SLC12A5: variants seen among roughly 807,000 people sequenced by gnomAD.
The protein encoded by SLC12A5 is K-Cl cotransporter 2.
SLC12A5 carries 18 observed loss-of-function variants against 124.0 expected under a neutral mutation model. The observed-to-expected ratio is 0.15, with a 90% confidence interval of 0.10 to 0.22. The LOEUF (loss-of-function observed/expected upper bound fraction) is 0.22, where lower values mean the gene tolerates loss of function less well. Among genes scored for constraint, SLC12A5 ranks in the 10% least tolerant of loss-of-function variants. The pLI, the probability that SLC12A5 is intolerant of heterozygous loss-of-function variation, is 1.00. For synonymous variants in SLC12A5, 589 were observed against 568.0 expected, an observed-to-expected ratio of 1.04 and a Z score of -0.53; for missense variants, 867 against 1,478.7, an observed-to-expected ratio of 0.59 and a Z score of 6.78.
chr20:46,057,802 GCTC>G lies in SLC12A5; in HGVS notation c.*201_*203del, dbSNP rs1408308950. On this transcript the variant is annotated 3_prime_UTR_variant, in exon 26 of 26. Transcript: ENST00000243964. This position sits in a 1 kb window ranked among gnomAD's most constrained non-coding sequence, Gnocchi z 7.1. ...GGCGCCCCGCCGCGCAGAGACCAGA[GCTC>G]CTCAGTGCCAGTTTGGCCCCTGGGT... 1.9e-6 allele frequency: 1 copy of G among 534,486 alleles called. No homozygotes were observed. 33.1% of individuals were successfully genotyped at this position (534,486 alleles called of 1,614,324 possible).
At chr20:46,047,701 C>A in intron 15 of SLC12A5, 128 bp downstream of exon 15, 1 of 1,244,952 alleles carries the variant, frequency 8.0e-7, no homozygotes, top group Non-Finnish European at 1.1e-6. Context: ...GAGGATGGGG[C>A]TGGAGTAGAG....
chr20:46,051,625 C>T (rs1433044878), intron 17 of SLC12A5, 50 bp from the exon 18 acceptor site: 1 of 1,556,418 alleles, frequency 6.4e-7, no homozygotes, highest in Non-Finnish European at 8.7e-7. Flanking sequence ...TGGGCCCAGC[C>T]AGGGCCAGGG....
Position 46,040,951 on chromosome 20 carries a change from G to A in SLC12A5, c.854+337G>A, listed in dbSNP as rs567410532. On this transcript the variant is annotated intron_variant, in intron 7 of 25. Coordinates refer to ENST00000243964, the MANE Select transcript of SLC12A5 (RefSeq NM_020708.5). Reference sequence around the variant, plus strand: ...GGGTGGGGACAACCTCCTGGAATGGGACAATCTCCTAGTGTTGGACAACTC... The same window carrying A: ...GGGTGGGGACAACCTCCTGGAATGGAACAATCTCCTAGTGTTGGACAACTC... 131 of 411,858 alleles carry A rather than the reference G, an allele frequency of 3.2e-4. 3 individuals are homozygous for A. In the South Asian group the frequency reaches 3.3e-3, roughly 10 times the overall value. 25.5% of individuals were successfully genotyped at this position (411,858 alleles called of 1,614,324 possible).
At chr20:46,036,872 T>A (rs2084503512) in intron 5 of SLC12A5, 77 bp downstream of exon 5, 3 of 1,539,010 alleles carry the variant, frequency 1.9e-6, no homozygotes, top group Non-Finnish European at 2.7e-6. Flanking sequence ...TTGGGGGACA[T>A]CAAGGCCCAA....
In SLC12A5 at chr20:46,023,049, C is replaced by T. The variant is rs1284989676; in HGVS notation, c.169C>T (p.Gln57Ter). 2.0e-5 allele frequency: 8 copies of T among 400,864 alleles called. No individual in the cohort carries two copies. The highest frequency in any genetic ancestry group is 4.2e-5 in the African/African-American group (2 of 47,936). 24.8% of individuals were successfully genotyped at this position (400,864 alleles called of 1,614,324 possible). A position where few individuals can be genotyped will look rare whatever the true frequency, so the allele number is the denominator to read the frequency against. ...AGGAGGAGAAGCCTCCCCAGACCGC[C>T]AGGGGTCGCTGCCGAGCCGCAGGTG... The change falls in exon 2 of 3, where the codon CAG becomes TAG. Residue 57 changes from glutamine (Q) to a stop codon, truncating the protein, a stop_gained. Coordinates refer to the SLC12A5 transcript ENST00000413737. LOFTEE classifies it high-confidence loss of function.
rs976600551 is a variant in SLC12A5, at chr20:46,057,678, G to C, written c.*73G>C. ...CGGAGCCCTCGCCGCGCCCCCCGCCGCTGTCACCGTTTACATACAGACCCT... is the reference window on the plus strand; with the variant it reads ...CGGAGCCCTCGCCGCGCCCCCCGCCCCTGTCACCGTTTACATACAGACCCT... On this transcript the variant is annotated 3_prime_UTR_variant, in exon 26 of 26. Transcript: ENST00000243964. The surrounding 1 kb of genome is among the most constrained non-coding windows in gnomAD (Gnocchi z 7.1). 7 of 1,181,868 alleles carry C rather than the reference G, an allele frequency of 5.9e-6. No homozygotes were observed. Among genetic ancestry groups the C allele is most frequent in the Non-Finnish European group, 8.3e-6 (7 of 838,466 alleles). 73.2% of individuals were successfully genotyped at this position (1,181,868 alleles called of 1,614,324 possible).
intron 1 of SLC12A5, among the ~76,000 whole-genome samples, 197 bp from the exon 2 acceptor site, chr20:46,034,751 C>G (rs111385401): frequency 6.6e-6 from 1 of 152,134 alleles, no homozygotes; most frequent in Non-Finnish European, 1.5e-5. Context: ...TCTGTTAATA[C>G]GCAGTGCATA....
At position 46,029,233 on chromosome 20, in the gene SLC12A5, G is replaced by C; in HGVS notation, c.-112G>C. 1.4e-6 allele frequency: 2 copies of C among 1,452,702 alleles called. No individual in the cohort carries two copies. Among genetic ancestry groups the C allele is most frequent in the Non-Finnish European group, 1.8e-6 (2 of 1,101,464 alleles). The allele number at this position is 1,452,702 out of a possible 1,614,324, so 90.0% of individuals were successfully genotyped here. A position where few individuals can be genotyped will look rare whatever the true frequency, so the allele number is the denominator to read the frequency against. On this transcript the variant is annotated 5_prime_UTR_variant, in exon 1 of 26. Transcript: ENST00000243964. ...GGCGGGCACTGCAGCTTCTTCCTCC[G>C]TGGAGCGGAGAGCGAGACAGAGCTA... is the stretch of plus-strand genomic sequence containing the variant.
chr20:46,047,936 C>T lies in SLC12A5; in HGVS notation c.1908-45C>T, dbSNP rs75314370. 3.9e-6 allele frequency: 6 copies of T among 1,539,210 alleles called. No homozygotes were observed. In the African/African-American group the frequency reaches 4.1e-5, roughly 11 times the overall value. On this transcript the variant is annotated intron_variant, in intron 15 of 25. Coordinates refer to ENST00000243964, the MANE Select transcript of SLC12A5 (RefSeq NM_020708.5). ...GCAGTGTAGATGGTTCTCCCTGCCC[C>T]CTCCTGGCTTTCTGCTCTCATGTGA...
At position 46,051,822 on chromosome 20, in the gene SLC12A5, C is replaced by T. The variant is rs542397610; in HGVS notation, c.2329C>T (p.Arg777Cys). Residue 777 changes from arginine (R) to cysteine (C), a missense_variant, in exon 18 of 26, where the codon CGC (arginine) becomes TGC (cysteine). By Grantham distance (180) the Arg-to-Cys change is radical (BLOSUM62 -3). Transcript: ENST00000243964. Reference protein sequence around the residue: ...QHNTVLVGWPRNWRQKEDHQT... With the variant: ...QHNTVLVGWPCNWRQKEDHQT... ...CAACACTGTGCTTGTTGGCTGGCCC[C>T]GCAACTGGCGCCAGAAGGAAGATCA... The T allele has an allele frequency of 2.1e-5, 33 of 1,586,440 alleles. No individual in the cohort carries two copies. The highest frequency in any genetic ancestry group is 8.0e-5 in the South Asian group (7 of 87,578).
At chr20:46,028,366 A>T (rs2084416347), upstream of SLC12A5, among the ~76,000 whole-genome samples, 1 of 152,046 alleles carries the variant, frequency 6.6e-6, no homozygotes, top group Non-Finnish European at 1.5e-5. Context: ...TGCTCCCTGG[A>T]AACTCACTGC....
intron 2 of SLC12A5, 162 bp from the exon 3 acceptor site, chr20:46,035,242 A>G: frequency 9.7e-7 from 1 of 1,036,010 alleles, no homozygotes; most frequent in South Asian, 1.5e-5. Context: ...TCATCCTACC[A>G]TTCTTACCCC....
chr20:46,021,692 C>T, upstream of SLC12A5: 3 of 1,504,406 alleles, frequency 2.0e-6, no homozygotes, highest in Non-Finnish European at 2.7e-6. Context: ...CGCTCTTTCT[C>T]CCTCCTAGAG....
rs1234726976 is a variant in SLC12A5, at chr20:46,043,570, T to C, written c.1238-63T>C. The C allele has an allele frequency of 3.2e-6, 5 of 1,554,756 alleles. No homozygotes were observed. The Admixed American group carries it at 8.4e-5, about 26-fold the overall frequency. On this transcript the variant is annotated intron_variant, in intron 9 of 25. Transcript: ENST00000243964. ...ACTGACCCTGAGGGTGGTGCCCTTTTTTCTCATCTGTCTGGTCTCCTGTGG... is the reference window on the plus strand; with the variant it reads ...ACTGACCCTGAGGGTGGTGCCCTTTCTTCTCATCTGTCTGGTCTCCTGTGG...
rs1410866619 is a variant in SLC12A5, at chr20:46,037,386, G to A, written c.612+1G>A. 6.2e-7 allele frequency: 1 copy of A among 1,607,232 alleles called. No homozygotes were observed. ...CCTGGGCACCATCGAAATCCTGCTGGTAAGAGAGGCTGAGGAGGAGGTGTG... is the reference window on the plus strand; with the variant it reads ...CCTGGGCACCATCGAAATCCTGCTGATAAGAGAGGCTGAGGAGGAGGTGTG... On this transcript the variant is annotated splice_donor_variant, in intron 6 of 25. Coordinates refer to ENST00000243964, the MANE Select transcript of SLC12A5 (RefSeq NM_020708.5). LOFTEE classifies it high-confidence loss of function.
At position 46,057,122 on chromosome 20, in the gene SLC12A5, C is replaced by T. The variant is rs374397338; in HGVS notation, c.3126-48C>T. 18 of 1,610,934 alleles carry T rather than the reference C, an allele frequency of 1.1e-5. No individual in the cohort carries two copies. The highest frequency in any genetic ancestry group is 1.5e-5 in the Non-Finnish European group (18 of 1,178,010). The stretch of plus-strand genomic sequence containing the variant: ...TGGAAGGGCGACTGGCTCCAATCTT[C>T]TCTACCCCCCCGGCTCACGCGGTCT... On this transcript the variant is annotated intron_variant, in intron 24 of 25. Coordinates refer to ENST00000243964, the MANE Select transcript of SLC12A5 (RefSeq NM_020708.5). This position sits in a 1 kb window ranked among gnomAD's most constrained non-coding sequence, Gnocchi z 7.1.
intron 17 of SLC12A5, among the ~76,000 whole-genome samples, chr20:46,050,010 A>G (rs535911065): frequency 6.6e-6 from 1 of 152,342 alleles, no homozygotes; most frequent in African/African-American, 2.4e-5. Context: ...GGCCCATTTT[A>G]TGGATAAGGA....
chr20:46,040,002 C>T lies in SLC12A5; in HGVS notation c.613-371C>T, dbSNP rs1171539541. Among the ~76,000 whole-genome samples, 5 of 152,142 alleles carry T rather than the reference C, an allele frequency of 3.3e-5. No individual in the cohort carries two copies. In the East Asian group the frequency reaches 9.6e-4, roughly 29 times the overall value. On this transcript the variant is annotated intron_variant, in intron 6 of 25. Transcript: ENST00000243964. ...CAAAAATAACAGAAGTAATTGCTTCCAGCATCCTTGCAATGTCATTTTTTA... is the reference window on the plus strand; with the variant it reads ...CAAAAATAACAGAAGTAATTGCTTCTAGCATCCTTGCAATGTCATTTTTTA...
At chr20:46,043,462 T>C (rs1262736200) in intron 9 of SLC12A5, 139 bp downstream of exon 9, 1 of 1,278,476 alleles carries the variant, frequency 7.8e-7, no homozygotes, top group African/African-American at 1.5e-5. Context: ...ATTGGAGAGA[T>C]GAGGGAATTA....
Sources: gnomAD v4.1 joint callset for allele counts (sites outside exome capture counted in the v4.1 genomes callset) on GRCh38, gnomAD v4.1.1 for gene constraint, Gnocchi (gnomAD v3.1) non-coding constraint, MANE v1.5 for transcripts, NCBI Gene and HGNC (gene_info 2026-07-23, HGNC 2026-07-21) for gene names.